The following LHFPL3 variants were observed in gnomAD, a reference collection of about 807,000 sequenced individuals.
LHFPL3 encodes LHFPL tetraspan subfamily member 3.
In LHFPL3, 5 loss-of-function variants were observed where a neutral mutation model predicts 19.3. The ratio of observed to expected loss-of-function variants is 0.26; its 90% CI spans 0.14 to 0.54. The LOEUF (loss-of-function observed/expected upper bound fraction) is 0.54. Ranked by LOEUF, LHFPL3 falls within the 20% of genes least tolerant of loss-of-function variation. The probability of loss-of-function intolerance (pLI) is 0.94; values close to 1 mark genes in which losing one functional copy is unlikely to be tolerated. For synonymous variants in LHFPL3, 133 were observed against 126.2 expected (o/e 1.05, Z -0.36); for missense variants, 249 against 307.4 (o/e 0.81, Z 1.42).
intron 2 of LHFPL3, among the ~76,000 whole-genome samples, chr7:104,903,892 T>C (rs933741763): frequency 6.6e-6 from 1 of 152,232 alleles, no homozygotes; most frequent in Non-Finnish European, 1.5e-5. Flanking sequence ...GCAACGAACA[T>C]ATGAGTGCAT....
At chr7:104,411,135 C>T (rs1228931439) in intron 1 of LHFPL3, among the ~76,000 whole-genome samples, 2 of 152,158 alleles carry the variant, frequency 1.3e-5, no homozygotes, top group Non-Finnish European at 1.5e-5. Flanking sequence ...TTGTATGGAA[C>T]GTGTTGTAAC....
chr7:104,522,161 G>A (rs1794078938), intron 1 of LHFPL3, among the ~76,000 whole-genome samples: 1 of 152,048 alleles, frequency 6.6e-6, no homozygotes, highest in South Asian at 2.1e-4. Flanking sequence ...TGATAGACTG[G>A]ATTAAGAAAA....
intron 1 of LHFPL3, among the ~76,000 whole-genome samples, chr7:104,404,839 A>T (rs942366652): frequency 2.0e-5 from 3 of 152,172 alleles, no homozygotes; most frequent in African/African-American, 7.2e-5. Flanking sequence ...CTTTACAGAG[A>T]TTATAAATGT....
chr7:104,571,014 T>G (rs1790221082), intron 1 of LHFPL3, among the ~76,000 whole-genome samples: 1 of 152,218 alleles, frequency 6.6e-6, no homozygotes, highest in South Asian at 2.1e-4. Flanking sequence ...AGTGTTCACC[T>G]GGTAAAAAGA....
intron 1 of LHFPL3, among the ~76,000 whole-genome samples, chr7:104,331,433 T>A (rs1226489832): frequency 6.6e-6 from 1 of 150,662 alleles, no homozygotes; most frequent in East Asian, 1.9e-4. Context: ...TAAACTATAG[T>A]ACATGATTTT....
chr7:104,389,910 A>T (rs1791031131), intron 1 of LHFPL3, among the ~76,000 whole-genome samples: 1 of 152,222 alleles, frequency 6.6e-6, no homozygotes, highest in East Asian at 1.9e-4. Flanking sequence ...AAACCATAAA[A>T]CTGCCAGAAA....
chr7:104,662,691 C>T (rs751351008), intron 1 of LHFPL3, among the ~76,000 whole-genome samples: 10 of 152,086 alleles, frequency 6.6e-5, no homozygotes, highest in African/African-American at 1.7e-4. Context: ...AGGGTAAATG[C>T]GGGTTTGGAG....
rs536366223 is a variant in LHFPL3 at position 104,538,461 on chromosome 7, G to A, written c.446-198214G>A. On this transcript the variant is annotated intron_variant, in intron 1 of 2. Coordinates refer to ENST00000424859, the MANE Select transcript of LHFPL3 (RefSeq NM_199000.3). ...TGAACACACAGCCATACATTCACTGGATGTTGGAGAAAACATCAATACATT... is the reference window on the plus strand; with the variant it reads ...TGAACACACAGCCATACATTCACTGAATGTTGGAGAAAACATCAATACATT... Among the ~76,000 whole-genome samples the A allele has an allele frequency of 3.3e-5, 5 of 152,314 alleles. No individual in the cohort carries two copies. The South Asian group carries it at 1.0e-3, about 32-fold the overall frequency.
chr7:104,371,959 TA>T (rs1374831594), intron 1 of LHFPL3, among the ~76,000 whole-genome samples: 3 of 152,234 alleles, frequency 2.0e-5, no homozygotes, highest in Non-Finnish European at 4.4e-5. Flanking sequence ...TCAGAGAGGA[TA>T]ACATTTTTTG....
intron 1 of LHFPL3, among the ~76,000 whole-genome samples, chr7:104,441,865 C>T (rs149022498): frequency 1.2e-3 from 184 of 152,274 alleles, no homozygotes; most frequent in Admixed American, 2.6e-3. Context: ...TGAGCCACTG[C>T]GCCTGGCTGA....
At chr7:104,804,240 C>T (rs538161715) in intron 2 of LHFPL3, 6 of 152,210 alleles carry the variant, frequency 3.9e-5, no homozygotes, top group East Asian at 1.9e-4. Flanking sequence ...TATGCTGATT[C>T]GCCAGCTTAA....
intron 2 of LHFPL3, among the ~76,000 whole-genome samples, chr7:104,832,920 T>C (rs944281683): frequency 7.4e-6 from 1 of 135,406 alleles, no homozygotes; most frequent in Non-Finnish European, 1.5e-5. Context: ...GAGGTTGGTG[T>C]ATTAGTCAGG....
chr7:104,717,033 A>G (rs903674695), intron 1 of LHFPL3, among the ~76,000 whole-genome samples: 3 of 152,210 alleles, frequency 2.0e-5, no homozygotes, highest in Non-Finnish European at 2.9e-5. Context: ...TGTATGGTCA[A>G]CTAATCTTCT....
intron 1 of LHFPL3, among the ~76,000 whole-genome samples, chr7:104,678,998 GTTAT>G (rs1792644099): frequency 6.6e-6 from 1 of 152,198 alleles, no homozygotes. Context: ...CATTTTATTA[GTTAT>G]TTATTGTTAC....
chr7:104,666,738 G>A (rs1431813602), intron 1 of LHFPL3, among the ~76,000 whole-genome samples: 2 of 151,226 alleles, frequency 1.3e-5, no homozygotes, highest in Non-Finnish European at 2.9e-5. Context: ...TAGCCGGGAT[G>A]GTCTCGATCT....
At chr7:104,563,890 A>G (rs1261402355) in intron 1 of LHFPL3, among the ~76,000 whole-genome samples, 1 of 152,234 alleles carries the variant, frequency 6.6e-6, no homozygotes, top group Admixed American at 6.5e-5. Context: ...ATAAACAGAA[A>G]TATTAAATTT....
chr7:104,516,196 A>G (rs1174611331), intron 1 of LHFPL3, among the ~76,000 whole-genome samples: 1 of 152,132 alleles, frequency 6.6e-6, no homozygotes, highest in East Asian at 1.9e-4. Context: ...GGTGGCATCA[A>G]GGAGAAGTAC....
chr7:104,575,971 A>G (rs1042991222), intron 1 of LHFPL3, among the ~76,000 whole-genome samples: 4 of 152,118 alleles, frequency 2.6e-5, no homozygotes, highest in African/African-American at 9.7e-5. Context: ...TAGCTCTTCC[A>G]TCTGTTTAAT....
At chr7:104,898,006 C>CTTTTATTT (rs1792401039) in intron 2 of LHFPL3, among the ~76,000 whole-genome samples, 1 of 96,806 alleles carries the variant, frequency 1.0e-5, no homozygotes, top group Admixed American at 1.3e-4. Context: ...AATGTCACCC[C>CTTTTATTT]TTTTTTTTTT....
Sources: gnomAD v4.1 joint callset for allele counts (sites outside exome capture counted in the v4.1 genomes callset) on GRCh38, gnomAD v4.1.1 for gene constraint, MANE v1.5 for transcripts, NCBI Gene and HGNC (gene_info 2026-07-23, HGNC 2026-07-21) for gene names.